The following IQCM variants were observed in gnomAD, a reference collection of about 807,000 sequenced individuals.
IQCM encodes IQ motif containing M, also known as IQ domain-containing protein M.
A neutral mutation model predicts 57.6 loss-of-function variants in IQCM; 45 were observed. The ratio of observed to expected loss-of-function variants is 0.78; its 90% CI spans 0.62 to 1.00. The LOEUF (loss-of-function observed/expected upper bound fraction) is 1.00. Among genes scored for constraint, IQCM ranks in the 50% least tolerant of loss-of-function variants. IQCM has a pLI of 0.00. For synonymous variants in IQCM, 148 were observed against 158.9 expected (o/e 0.93, Z 0.51); for missense variants, 468 against 511.6 (o/e 0.91, Z 0.82).
intron 7 of IQCM, among the ~76,000 whole-genome samples, chr4:149,633,894 A>G (rs1757500921): frequency 6.6e-6 from 1 of 152,166 alleles, no homozygotes; most frequent in Non-Finnish European, 1.5e-5. Flanking sequence ...TCATGATGGT[A>G]CATTTGAATT....
intron 11 of IQCM, among the ~76,000 whole-genome samples, chr4:149,551,544 ATAG>A (rs1749031183): frequency 1.3e-5 from 2 of 152,334 alleles, no homozygotes; most frequent in South Asian, 4.1e-4. Flanking sequence ...ATTGAGTAAA[ATAG>A]TAGGAGCATT....
At chr4:149,524,517 C>T (rs192296490) in intron 12 of IQCM, among the ~76,000 whole-genome samples, 201 of 151,630 alleles carry the variant, frequency 1.3e-3, no homozygotes, top group African/African-American at 4.8e-3. Context: ...TACTTCACAC[C>T]AAAAAAATTA....
At chr4:149,563,499 T>A (rs2726747) in intron 10 of IQCM, among the ~76,000 whole-genome samples, 193 bp downstream of exon 10, 35,549 of 151,780 alleles carry the variant, frequency 0.23, 4,739 homozygotes, top group Non-Finnish European at 0.29. Context: ...GGCAGGAGAA[T>A]CGCTTGAACC....
intron 2 of IQCM, among the ~76,000 whole-genome samples, chr4:149,763,546 C>T (rs1340752468): frequency 1.3e-5 from 2 of 152,078 alleles, no homozygotes; most frequent in Non-Finnish European, 2.9e-5. Flanking sequence ...GTGAAGCCCC[C>T]AGAGTATGAC....
intron 2 of IQCM, among the ~76,000 whole-genome samples, chr4:149,794,991 A>C (rs1252864795): frequency 1.3e-5 from 2 of 152,174 alleles, no homozygotes; most frequent in African/African-American, 2.4e-5. Context: ...ATTACATTAA[A>C]TAATTTATAG....
At chr4:149,607,091 G>C (rs900730651) in intron 8 of IQCM, among the ~76,000 whole-genome samples, 50 of 151,804 alleles carry the variant, frequency 3.3e-4, no homozygotes, top group African/African-American at 1.2e-3. Flanking sequence ...TTCAACCCAA[G>C]TAAGACTACC....
intron 12 of IQCM, among the ~76,000 whole-genome samples, chr4:149,495,641 T>G (rs183546090): frequency 6.6e-6 from 1 of 152,132 alleles, no homozygotes; most frequent in East Asian, 1.9e-4. Context: ...AAAGCTACTT[T>G]GAGGAGGGCA....
intron 2 of IQCM, among the ~76,000 whole-genome samples, chr4:149,785,052 G>A (rs1383349857): frequency 2.0e-5 from 3 of 152,182 alleles, no homozygotes; most frequent in Non-Finnish European, 4.4e-5. Flanking sequence ...ATAGAGATAT[G>A]TTTTATGTAA....
chr4:149,379,939 C>T (rs1475639449), intron 13 of IQCM, among the ~76,000 whole-genome samples: 2 of 152,090 alleles, frequency 1.3e-5, no homozygotes, highest in African/African-American at 4.8e-5. Flanking sequence ...GTGGTTCCCC[C>T]ATACTGTTCT....
intron 2 of IQCM, among the ~76,000 whole-genome samples, chr4:149,780,941 G>A (rs1771550814): frequency 6.6e-6 from 1 of 152,120 alleles, no homozygotes; most frequent in Non-Finnish European, 1.5e-5. Context: ...TAGACATGTT[G>A]AGTTTAAGGA....
intron 9 of IQCM, among the ~76,000 whole-genome samples, chr4:149,583,179 A>G (rs1274752216): frequency 6.6e-6 from 1 of 151,584 alleles, no homozygotes; most frequent in Non-Finnish European, 1.5e-5. Context: ...GAAGAATACA[A>G]CTATTCTTCA....
At chr4:149,541,646 T>G (rs1200609893) in intron 12 of IQCM, among the ~76,000 whole-genome samples, 1 of 152,120 alleles carries the variant, frequency 6.6e-6, no homozygotes, top group African/African-American at 2.4e-5. Context: ...ATTCTGCAGC[T>G]TTTAAGATCG....
At chr4:149,681,713 C>T (rs1242412093) in intron 7 of IQCM, among the ~76,000 whole-genome samples, 1 of 151,032 alleles carries the variant, frequency 6.6e-6, no homozygotes, top group Non-Finnish European at 1.5e-5. Context: ...GAATCAATAG[C>T]CCCCTAGGTC....
intron 7 of IQCM, among the ~76,000 whole-genome samples, chr4:149,624,648 T>C (rs1756643508): frequency 6.6e-6 from 1 of 152,326 alleles, no homozygotes; most frequent in Admixed American, 6.5e-5. Flanking sequence ...TCCCCACATC[T>C]ATAATTTTTG....
Position 149,636,943 on chromosome 4 carries a change from A to T in IQCM, c.566-15699T>A, listed in dbSNP as rs1757768848. ...TGGATCATGAGGTCAGGAGATCGAG[A>T]CCATCCTGGCTAACAAGGTGAAACC... On this transcript the variant is annotated intron_variant, in intron 7 of 13. Transcript: ENST00000636793. Among the ~76,000 whole-genome samples the T allele has an allele frequency of 2.6e-5, 4 of 151,692 alleles. No homozygotes were observed. The South Asian group carries it at 8.3e-4, about 32-fold the overall frequency.
chr4:149,378,349 G>A (rs113434658), intron 13 of IQCM, among the ~76,000 whole-genome samples: 1,712 of 152,220 alleles, frequency 0.011, 25 homozygotes, highest in African/African-American at 0.031. Context: ...GAAAAAGATA[G>A]GAAAATGTGC....
At chr4:149,358,886 C>CTCTCATGAGAAGAGCATGAGAGAAA in intron 13 of IQCM, among the ~76,000 whole-genome samples, 1 of 78,682 alleles carries the variant, frequency 1.3e-5, no homozygotes, top group East Asian at 3.0e-4. Flanking sequence ...CATGAGACCA[C>CTCTCATGAGAAGAGCATGAGAGAAA]AGTGGAGAGC....
rs539717182 is a variant in IQCM at position 149,554,980 on chromosome 4, T to C, written c.949-1693A>G. On this transcript the variant is annotated intron_variant, in intron 10 of 13. Coordinates refer to ENST00000636793, the MANE Select transcript of IQCM (RefSeq NM_001363507.2). ...TCCCAAAGTGCAGTGATTACAGGCG[T>C]GAGCCACTGCACCCGGCCCATATTA... 1.9e-3 allele frequency among the ~76,000 whole-genome samples: 297 copies of C among 152,342 alleles called. 8 individuals carry two copies. In the South Asian group the frequency reaches 0.049, roughly 25 times the overall value.
intron 2 of IQCM, among the ~76,000 whole-genome samples, chr4:149,759,144 G>A (rs977744089): frequency 1.3e-5 from 2 of 152,024 alleles, no homozygotes; most frequent in South Asian, 2.1e-4. Flanking sequence ...CACACTACTG[G>A]GTGAAAGAAG....
Sources: allele counts gnomAD v4.1 joint callset (sites outside exome capture counted in the v4.1 genomes callset), GRCh38; gene constraint gnomAD v4.1.1; transcripts MANE v1.5; gene names NCBI Gene and HGNC (gene_info 2026-07-23, HGNC 2026-07-21).